The following PINK1 variants were observed in gnomAD, a reference collection of about 807,000 sequenced individuals.
The protein encoded by PINK1 is serine/threonine-protein kinase PINK1, mitochondrial.
A neutral mutation model predicts 56.0 loss-of-function variants in PINK1; 58 were observed. The ratio of observed to expected loss-of-function variants is 1.04; its 90% confidence interval spans 0.84 to 1.29. The LOEUF is 1.29. Among genes scored for constraint, PINK1 ranks in the 50% most tolerant of loss-of-function variants. PINK1 has a pLI of 0.00. For missense variants in PINK1, 745 were observed against 777.9 expected, an observed-to-expected ratio of 0.96 and a Z score of 0.50; for synonymous variants, 354 against 339.3, an observed-to-expected ratio of 1.04 and a Z score of -0.48.
intron 5 of PINK1, chr1:20,648,304 C>T: frequency 1.5e-6 from 1 of 672,834 alleles, no homozygotes; most frequent in Non-Finnish European, 2.6e-6. Flanking sequence ...GATTTTGCAG[C>T]CTGTACTTAC....
Position 20,649,218 on chromosome 1 carries a change from G to A in PINK1, c.1475G>A (p.Arg492Gln), listed in dbSNP as rs143620063. The A allele has an allele frequency of 2.8e-5, 45 of 1,614,036 alleles. No homozygotes were observed. Among genetic ancestry groups the A allele is most frequent in the South Asian group, 1.5e-4 (14 of 91,074 alleles). ...CAGTTGGTGAGGGCACTGCTCCAGC[G>A]AGAGGCCAGCAAGGTGAGGCTGTCC... is the stretch of plus-strand genomic sequence containing the variant. Reference protein sequence around the residue: ...VRQLVRALLQREASKRPSARV... With the variant: ...VRQLVRALLQQEASKRPSARV... The change falls in exon 7 of 8, where the codon CGA becomes CAA. Residue 492 changes from arginine (R) to glutamine (Q), a missense_variant. Transcript: ENST00000321556.
At chr1:20,648,857 G>A in intron 6 of PINK1, 138 bp from the exon 7 acceptor site, 1 of 1,246,782 alleles carries the variant, frequency 8.0e-7, no homozygotes, top group East Asian at 2.4e-5. Flanking sequence ...GACCCCTTCT[G>A]GGTCTGAGCC....
chr1:20,648,250 A>T, intron 5 of PINK1: 1 of 529,202 alleles, frequency 1.9e-6, no homozygotes, highest in Non-Finnish European at 3.4e-6. Flanking sequence ...AGCTCCAATT[A>T]CTAGAACATG....
rs1408991438 is a variant in PINK1 at position 20,633,944 on chromosome 1, G to A, written c.387+9G>A. On this transcript the variant is annotated intron_variant, in intron 1 of 7. Transcript: ENST00000321556. ...CCTGTCAGGAGATCCAGGTGAGCGG[G>A]GCCGGGTCCTAAGCCGAGCGGAGGA... 3 of 1,582,464 alleles carry A rather than the reference G, an allele frequency of 1.9e-6. No individual in the cohort carries two copies. The highest frequency in any genetic ancestry group is 2.6e-6 in the Non-Finnish European group (3 of 1,168,168).
rs2053226873 is a variant in PINK1, at chr1:20,648,893, T to C, written c.1252-102T>C. ...ACAGCTCACTCAAGCTCTGGGTTCCTTGGGACAGAGTTCAGATTAGCCCAT... is the reference window on the plus strand; with the variant it reads ...ACAGCTCACTCAAGCTCTGGGTTCCCTGGGACAGAGTTCAGATTAGCCCAT... On this transcript the variant is annotated intron_variant, in intron 6 of 7. Coordinates refer to ENST00000321556, the MANE Select transcript of PINK1 (RefSeq NM_032409.3). 13 of 1,408,246 alleles carry C rather than the reference T, an allele frequency of 9.2e-6. No homozygotes were observed. In the South Asian group the frequency reaches 1.1e-4, roughly 11 times the overall value. 87.2% of individuals were successfully genotyped at this position (1,408,246 alleles called of 1,614,324 possible). A position where few individuals can be genotyped will look rare whatever the true frequency, so the allele number is the denominator to read the frequency against.
chr1:20,637,145 C>G (rs1412833347), intron 1 of PINK1, among the ~76,000 whole-genome samples: 1 of 152,182 alleles, frequency 6.6e-6, no homozygotes, highest in Non-Finnish European at 1.5e-5. Context: ...CAGATCAGAC[C>G]ATTTGAGAGG....
At chr1:20,640,315 C>T (rs1176904748) in intron 3 of PINK1, among the ~76,000 whole-genome samples, 1 of 152,080 alleles carries the variant, frequency 6.6e-6, no homozygotes, top group Non-Finnish European at 1.5e-5. Context: ...CGCCACCTAT[C>T]GGAATAAACT....
At position 20,645,800 on chromosome 1, in the gene PINK1, A is replaced by G. The variant is rs1440603935; in HGVS notation, c.1123+77A>G. 3.2e-6 allele frequency: 5 copies of G among 1,554,936 alleles called. No individual in the cohort carries two copies. In the African/African-American group the frequency reaches 4.1e-5, roughly 13 times the overall value. On this transcript the variant is annotated intron_variant, in intron 5 of 7. Transcript: ENST00000321556. ...CAGGAGCATTTAGGACTGACTCTTC[A>G]GGTCCTCTCTGGTTTTGTGTTCTAA...
rs1240286523 is a variant in PINK1, at chr1:20,649,106, G to A, written c.1363G>A (p.Gly455Ser). Reference sequence around the variant, plus strand: ...CTTCGGGCTTGTCAATCCCTTCTACGGCCAGGGCAAGGCCCACCTTGAAAG... The same window carrying A: ...CTTCGGGCTTGTCAATCCCTTCTACAGCCAGGGCAAGGCCCACCTTGAAAG... ...EIFGLVNPFYGQGKAHLESRS... is the reference protein window; with the variant it reads ...EIFGLVNPFYSQGKAHLESRS... Residue 455 changes from glycine to serine, a missense_variant, in exon 7 of 8, where the codon GGC becomes AGC. Gly to Ser is a moderately conservative substitution (Grantham distance 56). Transcript: ENST00000321556. The A allele has an allele frequency of 2.5e-5, 40 of 1,614,096 alleles. No homozygotes were observed. The highest frequency in any genetic ancestry group is 2.9e-5 in the Non-Finnish European group (34 of 1,180,046).
chr1:20,635,334 C>G (rs2154533562), intron 1 of PINK1, among the ~76,000 whole-genome samples: 1 of 151,438 alleles, frequency 6.6e-6, no homozygotes, highest in East Asian at 2.0e-4. Context: ...AACCCTGTCT[C>G]TACTAAAAAT....
chr1:20,634,817 C>T (rs1287346835), intron 1 of PINK1, among the ~76,000 whole-genome samples: 6 of 152,104 alleles, frequency 3.9e-5, no homozygotes, highest in Admixed American at 3.9e-4. Context: ...TAGCATAGCC[C>T]CTGCATTTTA....
At chr1:20,647,975 C>A (rs1356840560) in intron 5 of PINK1, among the ~76,000 whole-genome samples, 1 of 151,834 alleles carries the variant, frequency 6.6e-6, no homozygotes, top group Admixed American at 6.6e-5. Context: ...CCATGCCTGG[C>A]TAGTTTTTTT....
At position 20,644,458 on chromosome 1, in the gene PINK1, G is replaced by A. The variant is rs1490192433; in HGVS notation, c.777-32G>A. ...TTTCCAGGTGTTGTATCTGATGCTG[G>A]CCTCATATGTTTGTCTCACTTGGCT... On this transcript the variant is annotated intron_variant, in intron 3 of 7. Coordinates refer to ENST00000321556, the MANE Select transcript of PINK1 (RefSeq NM_032409.3). 8 of 1,609,160 alleles carry A rather than the reference G, an allele frequency of 5.0e-6. No homozygotes were observed. The South Asian group carries it at 8.8e-5, about 18-fold the overall frequency.
rs917175167 is a variant in PINK1, at chr1:20,651,147, C to T, written c.*456C>T. On this transcript the variant is annotated 3_prime_UTR_variant, in exon 8 of 8. Coordinates refer to ENST00000321556, the MANE Select transcript of PINK1 (RefSeq NM_032409.3). ...AAATTACATGAGGCCTGGGCCTCTG[C>T]GTTCCCAAGCTGTGCGTTCTGGACC... 9 of 223,092 alleles carry T rather than the reference C, an allele frequency of 4.0e-5. No individual in the cohort carries two copies. The highest frequency in any genetic ancestry group is 9.0e-5 in the African/African-American group (4 of 44,496). 13.8% of individuals were successfully genotyped at this position (223,092 alleles called of 1,614,324 possible).
Position 20,650,586 on chromosome 1 carries a change from G to T in PINK1, c.1641G>T (p.Lys547Asn). The change falls in exon 8 of 8, where the codon AAG (lysine) becomes AAT (asparagine). Residue 547 changes from lysine to asparagine, a missense_variant. Transcript: ENST00000321556. ...ATLLANRLTE[K>N]CCVETKMKML... is the part of the protein sequence containing the mutation. Reference sequence around the variant, plus strand: ...TGTTGGCCAACAGGCTCACAGAGAAGTGTTGTGTGGAAACAAAAATGAAGA... The same window carrying T: ...TGTTGGCCAACAGGCTCACAGAGAATTGTTGTGTGGAAACAAAAATGAAGA... The T allele has an allele frequency of 1.2e-6, 2 of 1,614,230 alleles. No individual in the cohort carries two copies. The highest frequency in any genetic ancestry group is 1.7e-6 in the Non-Finnish European group (2 of 1,180,044).
chr1:20,643,595 C>T (rs556966046), intron 3 of PINK1, among the ~76,000 whole-genome samples: 21 of 152,370 alleles, frequency 1.4e-4, no homozygotes, highest in African/African-American at 4.6e-4. Flanking sequence ...AGGACAGGGA[C>T]TCTGTCTTGT....
At chr1:20,638,176 C>T (rs1290528967) in intron 2 of PINK1, 47 bp downstream of exon 2, 2 of 1,590,724 alleles carry the variant, frequency 1.3e-6, no homozygotes, top group East Asian at 4.5e-5. Context: ...CTCAAAATGC[C>T]CATCTTAGTG....
intron 7 of PINK1, 130 bp downstream of exon 7, chr1:20,649,361 C>T (rs1570408216): frequency 2.1e-6 from 2 of 964,004 alleles, no homozygotes; most frequent in Middle Eastern, 2.2e-4. Flanking sequence ...AGGCTAGTTA[C>T]AAGAGAACAA....
At chr1:20,642,484 C>T (rs1478582177) in intron 3 of PINK1, among the ~76,000 whole-genome samples, 1 of 152,248 alleles carries the variant, frequency 6.6e-6, no homozygotes, top group East Asian at 1.9e-4. Context: ...TCATGGGTCC[C>T]CTGTGCAGAT....
Sources: gnomAD v4.1 joint callset for allele counts (sites outside exome capture counted in the v4.1 genomes callset) on GRCh38, gnomAD v4.1.1 for gene constraint, MANE v1.5 for transcripts, NCBI Gene and HGNC (gene_info 2026-07-23, HGNC 2026-07-21) for gene names.